The following SNX13 variants were observed in gnomAD, a reference collection of about 807,000 sequenced individuals.
The protein encoded by SNX13 is sorting nexin-13.
A neutral mutation model predicts 133.6 loss-of-function variants in SNX13; 45 were observed. The ratio of observed to expected loss-of-function variants is 0.34; its 90% CI spans 0.27 to 0.43. The LOEUF (loss-of-function observed/expected upper bound fraction) is 0.43, where lower values mean the gene tolerates loss of function less well. Ranked by LOEUF, SNX13 falls within the 20% of genes least tolerant of loss-of-function variation. The probability of loss-of-function intolerance (pLI) is 1.00; values close to 1 mark genes in which losing one functional copy is unlikely to be tolerated. For synonymous variants in SNX13, 414 were observed against 373.9 expected (o/e 1.11, Z -1.24); for missense variants, 1,032 against 1,145.1 (o/e 0.90, Z 1.43).
At chr7:17,829,900 A>G (rs946032403) in intron 16 of SNX13, 110 bp downstream of exon 16, 9 of 701,066 alleles carry the variant, frequency 1.3e-5, no homozygotes, top group African/African-American at 1.1e-4. Context: ...TTACAATACT[A>G]AAGGATGATT....
At position 17,864,394 on chromosome 7, in the gene SNX13, G is replaced by A; in HGVS notation, c.837+4013C>T. Among the ~76,000 whole-genome samples, 2 of 152,138 alleles carry A rather than the reference G, an allele frequency of 1.3e-5. 1 individual carries two copies. The highest frequency in any genetic ancestry group is 2.9e-5 in the Non-Finnish European group (2 of 68,020). ...TTGATAAACTGAAAAATTAATCAGA[G>A]TATCTTAATAGCAGAATTGGTCCAG... On this transcript the variant is annotated intron_variant, in intron 9 of 25. Transcript: ENST00000428135.
chr7:17,913,158 A>G (rs769944352), intron 1 of SNX13, among the ~76,000 whole-genome samples: 1 of 152,138 alleles, frequency 6.6e-6, no homozygotes, highest in Non-Finnish European at 1.5e-5. Context: ...GAGAAGGGAG[A>G]GCACCCCACC....
intron 9 of SNX13, among the ~76,000 whole-genome samples, chr7:17,857,978 T>C (rs1343347803): frequency 6.6e-6 from 1 of 152,160 alleles, no homozygotes; most frequent in Non-Finnish European, 1.5e-5. Context: ...AAATTCAACA[T>C]GCCTTCAAAA....
At chr7:17,851,763 T>A (rs1791242403) in intron 9 of SNX13, among the ~76,000 whole-genome samples, 1 of 151,830 alleles carries the variant, frequency 6.6e-6, no homozygotes, top group Non-Finnish European at 1.5e-5. Flanking sequence ...ATGAGGGTGT[T>A]TTTGGCAAAA....
intron 15 of SNX13, 114 bp from the exon 16 acceptor site, chr7:17,830,161 TAAA>T (rs367739163): frequency 8.3e-3 from 3,902 of 472,128 alleles, no homozygotes; most frequent in Non-Finnish European, 8.9e-3. Context: ...AACATAATAG[TAAA>T]AAAAAAAAAA....
At chr7:17,856,404 G>A (rs887179912) in intron 9 of SNX13, among the ~76,000 whole-genome samples, 1 of 152,072 alleles carries the variant, frequency 6.6e-6, no homozygotes, top group Admixed American at 6.6e-5. Flanking sequence ...AAGGAACCAA[G>A]AAGTTACAAA....
intron 1 of SNX13, among the ~76,000 whole-genome samples, chr7:17,923,741 G>A (rs982113427): frequency 2.0e-5 from 3 of 152,132 alleles, no homozygotes; most frequent in African/African-American, 7.2e-5. Context: ...CGGAGTTGTG[G>A]CTAATCAGGA....
rs564517751 is a variant in SNX13 at position 17,836,501 on chromosome 7, G to A, written c.1360-1636C>T. Among the ~76,000 whole-genome samples, 10 of 152,142 alleles carry A rather than the reference G, an allele frequency of 6.6e-5. No individual in the cohort carries two copies. In the Middle Eastern group the frequency reaches 0.01, roughly 155 times the overall value. ...AAACTTTACGACAGAGTGAGACTCCGTCTCAAAAAACAAAACAACAACAAA... is the reference window on the plus strand; with the variant it reads ...AAACTTTACGACAGAGTGAGACTCCATCTCAAAAAACAAAACAACAACAAA... On this transcript the variant is annotated intron_variant, in intron 13 of 25. Transcript: ENST00000428135.
intron 5 of SNX13, chr7:17,889,460 A>G (rs975206269): frequency 1.4e-4 from 22 of 152,176 alleles, no homozygotes; most frequent in African/African-American, 5.3e-4. Context: ...TAGCAGGGCA[A>G]TCTTTGCGTG....
In SNX13 at chr7:17,857,772, C is replaced by CA. The variant is rs201697037; in HGVS notation, c.838-6809dup. On this transcript the variant is annotated intron_variant, in intron 9 of 25. Transcript: ENST00000428135. ...TGAACTACAGAGCAAGACTCCATCT[C>CA]AAAAAAAAAATACTAATAAACTTAA... is the stretch of plus-strand genomic sequence containing the variant. 5.5e-4 allele frequency among the ~76,000 whole-genome samples: 81 copies of CA among 146,468 alleles called. No individual in the cohort carries two copies. In the South Asian group the frequency reaches 5.8e-3, roughly 10 times the overall value.
chr7:17,872,039 T>G lies in SNX13; in HGVS notation c.753+1489A>C, dbSNP rs569068511. Among the ~76,000 whole-genome samples, 11 of 152,282 alleles carry G rather than the reference T, an allele frequency of 7.2e-5. No homozygotes were observed. In the South Asian group the frequency reaches 1.2e-3, roughly 17 times the overall value. Reference sequence around the variant, plus strand: ...TGGACATTTCAGTTTTAAAAAGCTGTGAGTCACTCAAGTGGTGATTTCAAG... The same window carrying G: ...TGGACATTTCAGTTTTAAAAAGCTGGGAGTCACTCAAGTGGTGATTTCAAG... On this transcript the variant is annotated intron_variant, in intron 8 of 25. Transcript: ENST00000428135.
intron 1 of SNX13, chr7:17,899,810 T>TA (rs1441443600): frequency 6.6e-6 from 1 of 152,198 alleles, no homozygotes; most frequent in Non-Finnish European, 1.5e-5. Flanking sequence ...TGTGGTGTCT[T>TA]ATTTAGTCCA....
At chr7:17,895,580 A>G (rs748089289) in intron 2 of SNX13, among the ~76,000 whole-genome samples, 3 of 152,134 alleles carry the variant, frequency 2.0e-5, no homozygotes, top group Non-Finnish European at 2.9e-5. Context: ...TTTAGTACCC[A>G]TTATCCTCTA....
At chr7:17,904,516 G>C (rs997221065) in intron 1 of SNX13, among the ~76,000 whole-genome samples, 1 of 152,154 alleles carries the variant, frequency 6.6e-6, no homozygotes, top group Non-Finnish European at 1.5e-5. Context: ...GGAAAATGCA[G>C]TTTTAGATCA....
At chr7:17,925,856 TA>T (rs1800690272) in intron 1 of SNX13, among the ~76,000 whole-genome samples, 2 of 152,150 alleles carry the variant, frequency 1.3e-5, no homozygotes, top group African/African-American at 4.8e-5. Flanking sequence ...AAAGGTATTC[TA>T]TATTAAAGAA....
rs796256828 is a variant in SNX13, at chr7:17,805,252, CGT to C, written c.2065-1674_2065-1673del. On this transcript the variant is annotated intron_variant, in intron 20 of 25. Transcript: ENST00000428135. Reference sequence around the variant, plus strand: ...GTGTGTGTGTGTGTGTGTGTGTGTGCGTGCGCGCGCGCGCATGCATGCACATG... The same window carrying C: ...GTGTGTGTGTGTGTGTGTGTGTGTGCGCGCGCGCGCGCATGCATGCACATG... Among the ~76,000 whole-genome samples the C allele has an allele frequency of 4.3e-3, 403 of 94,038 alleles. 2 individuals are homozygous for C. Among genetic ancestry groups the C allele is most frequent in the Middle Eastern group, 0.01 (2 of 194 alleles). The allele number at this position is 94,038 out of a possible 152,430, so 61.7% of individuals were successfully genotyped here. A position where few individuals can be genotyped will look rare whatever the true frequency, so the allele number is the denominator to read the frequency against.
intron 1 of SNX13, among the ~76,000 whole-genome samples, chr7:17,932,154 A>C (rs1801454349): frequency 6.6e-6 from 1 of 152,262 alleles, no homozygotes; most frequent in African/African-American, 2.4e-5. Context: ...TATCTAGTTT[A>C]GGAATTAAAC....
intron 25 of SNX13, 120 bp downstream of exon 25, chr7:17,796,707 G>T: frequency 1.4e-6 from 1 of 703,944 alleles, no homozygotes. Context: ...TGCCTGATAT[G>T]TATTAAGCCA....
chr7:17,849,932 C>G (rs1037958576), intron 11 of SNX13, among the ~76,000 whole-genome samples: 1 of 152,180 alleles, frequency 6.6e-6, no homozygotes, highest in Non-Finnish European at 1.5e-5. Flanking sequence ...GATATCACCA[C>G]CTGATATTAC....
Sources: allele counts gnomAD v4.1 joint callset (sites outside exome capture counted in the v4.1 genomes callset), GRCh38; gene constraint gnomAD v4.1.1; transcripts MANE v1.5; gene names NCBI Gene and HGNC (gene_info 2026-07-23, HGNC 2026-07-21).